The following HDAC5 variants were observed in gnomAD, a reference collection of about 807,000 sequenced individuals.
HDAC5 encodes histone deacetylase 5.
HDAC5 carries 25 observed loss-of-function variants against 133.3 expected under a neutral mutation model. That is an observed-to-expected ratio of 0.19 (90% CI 0.14 to 0.26). The LOEUF (loss-of-function observed/expected upper bound fraction) is 0.26, where lower values mean the gene tolerates loss of function less well. Among genes scored for constraint, HDAC5 ranks in the 10% least tolerant of loss-of-function variants. The pLI, the probability that HDAC5 is intolerant of heterozygous loss-of-function variation, is 1.00. For synonymous variants in HDAC5, 589 were observed against 610.8 expected, an observed-to-expected ratio of 0.96 and a Z score of 0.53; for missense variants, 1,041 against 1,460.5, an observed-to-expected ratio of 0.71 and a Z score of 4.68.
rs2050324972 is a variant in HDAC5, at chr17:44,080,198, C to T, written c.2853G>A (p.Glu951=). 1.2e-6 allele frequency: 2 copies of T among 1,614,152 alleles called. No individual in the cohort carries two copies. The highest frequency in any genetic ancestry group is 1.7e-6 in the Non-Finnish European group (2 of 1,180,016). Reference sequence around the variant, plus strand: ...AGACTAGGACCACATCAGGTGAGAACTCGTGGGCAATGGGCATCACCACTG... The same window carrying T: ...AGACTAGGACCACATCAGGTGAGAATTCGTGGGCAATGGGCATCACCACTG... ...FRTVVMPIAH[E]FSPDVVLVSA... The change falls in exon 23 of 27, where the codon GAG becomes GAA. Residue 951 remains glutamate, a synonymous_variant. Coordinates refer to ENST00000682912, the MANE Select transcript of HDAC5 (RefSeq NM_005474.5).
intron 2 of HDAC5, among the ~76,000 whole-genome samples, chr17:44,113,549 C>A (rs952805618): frequency 1.3e-5 from 2 of 152,180 alleles, no homozygotes; most frequent in Non-Finnish European, 2.9e-5. Flanking sequence ...CTTTAGCCCC[C>A]CTCCTTGCAA....
rs11556546 is a variant in HDAC5 at position 44,078,550 on chromosome 17, C to T, written c.3279G>A (p.Ser1093=). ...CAGCCTGGGCCTGCTCGGCCCCCACCGACAGCAAGGCCATGGCGCTCACAG... is the reference window on the plus strand; with the variant it reads ...CAGCCTGGGCCTGCTCGGCCCCCACTGACAGCAAGGCCATGGCGCTCACAG... ...AETVSAMALL[S]VGAEQAQAAA... is the part of the protein sequence containing the mutation. Residue 1093 remains serine (S), a synonymous_variant, in exon 26 of 27, where the codon TCG becomes TCA. Transcript: ENST00000682912. The T allele has an allele frequency of 5.0e-6, 8 of 1,612,234 alleles. No individual in the cohort carries two copies. The highest frequency in any genetic ancestry group is 1.1e-5 in the South Asian group (1 of 91,040).
At chr17:44,096,125 A>T (rs1456084161) in intron 3 of HDAC5, among the ~76,000 whole-genome samples, 1 of 152,198 alleles carries the variant, frequency 6.6e-6, no homozygotes, top group Non-Finnish European at 1.5e-5. Flanking sequence ...CCCCAAGCCC[A>T]GCCCAAGCCC....
chr17:44,080,853 C>T lies in HDAC5; in HGVS notation c.2637G>A (p.Gln879=). The change falls in exon 21 of 27, where the codon CAG becomes CAA. Residue 879 remains glutamine (Q), a synonymous_variant. Coordinates refer to ENST00000682912, the MANE Select transcript of HDAC5 (RefSeq NM_005474.5). ...GCACAGAGGGGTCATTGTAGAACGCCTGCTGGGTGCCATTGCCATGGTGAA... is the reference window on the plus strand; with the variant it reads ...GCACAGAGGGGTCATTGTAGAACGCTTGCTGGGTGCCATTGCCATGGTGAA... ...WDIHHGNGTQ[Q]AFYNDPSVLY... is the part of the protein sequence containing the mutation. The T allele has an allele frequency of 6.2e-7, 1 of 1,614,224 alleles. No individual in the cohort carries two copies. The highest frequency in any genetic ancestry group is 8.5e-7 in the Non-Finnish European group (1 of 1,180,038).
intron 3 of HDAC5, among the ~76,000 whole-genome samples, chr17:44,103,754 G>A (rs1187102477): frequency 2.0e-4 from 30 of 151,570 alleles, no homozygotes; most frequent in Admixed American, 2.0e-3. Context: ...TGTTGCCCAG[G>A]CTGGAGTGCA....
rs1184324233 is a variant in HDAC5 at position 44,092,223 on chromosome 17, G to A, written c.981C>T (p.Ser327=). ...CAGTAAAGCCATTCTCAGCGATGGT[G>A]CTGTGGGAGCTGTTGGGAGAGCTGG... ...SGPSSPNSSH[S]TIAENGFTGS... The change falls in exon 9 of 27, where the codon AGC becomes AGT. Residue 327 remains serine (S), a synonymous_variant. Transcript: ENST00000682912. The A allele has an allele frequency of 1.2e-6, 2 of 1,613,990 alleles. No individual in the cohort carries two copies.
chr17:44,104,246 G>A (rs2051797415), intron 3 of HDAC5, among the ~76,000 whole-genome samples: 1 of 152,080 alleles, frequency 6.6e-6, no homozygotes, highest in African/African-American at 2.4e-5. Flanking sequence ...GGAGGTTGCA[G>A]TGAGCTGAGA....
chr17:44,091,920 G>T, intron 9 of HDAC5, 89 bp from the exon 10 acceptor site: 1 of 1,428,396 alleles, frequency 7.0e-7, no homozygotes, highest in Non-Finnish European at 9.4e-7. Flanking sequence ...CAAGGTCTCT[G>T]AATGGTGCCC....
intron 12 of HDAC5, 116 bp from the exon 13 acceptor site, chr17:44,087,812 G>C: frequency 7.8e-7 from 1 of 1,281,604 alleles, no homozygotes. Context: ...GCTTCTATGT[G>C]AATTAGAAAA....
rs1463617061 is a variant in HDAC5, at chr17:44,077,680, CA to C, written c.*695del. 1 of 152,364 alleles carries C rather than the reference CA, an allele frequency of 6.6e-6. No individual in the cohort carries two copies. Among genetic ancestry groups the C allele is most frequent in the African/African-American group, 2.4e-5 (1 of 41,444 alleles). 9.4% of individuals were successfully genotyped at this position (152,364 alleles called of 1,614,324 possible). A position where few individuals can be genotyped will look rare whatever the true frequency, so the allele number is the denominator to read the frequency against. On this transcript the variant is annotated 3_prime_UTR_variant, in exon 27 of 27. Transcript: ENST00000682912. ...CCAGGAAACCAGTCCTCTCCTTCCC[CA>C]CACACTTTCACCCTCTCAGCCCCGG...
At chr17:44,121,546 T>C (rs2053006054) in intron 1 of HDAC5, among the ~76,000 whole-genome samples, 2 of 151,266 alleles carry the variant, frequency 1.3e-5, no homozygotes, top group South Asian at 4.2e-4. Flanking sequence ...GAATTAATTA[T>C]TAAAGAGCAG....
chr17:44,078,957 C>T, intron 24 of HDAC5, 78 bp from the exon 25 acceptor site: 1 of 1,535,406 alleles, frequency 6.5e-7, no homozygotes, highest in Non-Finnish European at 9.0e-7. Flanking sequence ...CCCACTCAGC[C>T]CCAGATATCC....
intron 2 of HDAC5, among the ~76,000 whole-genome samples, chr17:44,116,671 C>T (rs934403948): frequency 1.3e-5 from 2 of 152,076 alleles, no homozygotes; most frequent in African/African-American, 2.4e-5. Flanking sequence ...GAGGAGGAGA[C>T]GACAGCCACT....
At chr17:44,090,444 G>A (rs952583998) in intron 11 of HDAC5, among the ~76,000 whole-genome samples, 1 of 151,856 alleles carries the variant, frequency 6.6e-6, no homozygotes, top group South Asian at 2.1e-4. Flanking sequence ...GAGCGATCTC[G>A]GCTCACTGCA....
At chr17:44,099,361 G>A (rs2051448881) in intron 3 of HDAC5, among the ~76,000 whole-genome samples, 1 of 152,134 alleles carries the variant, frequency 6.6e-6, no homozygotes, top group African/African-American at 2.4e-5. Context: ...GGTGGCCTCA[G>A]TAACAAGCAG....
intron 10 of HDAC5, 72 bp downstream of exon 10, chr17:44,091,628 C>T (rs1205403649): frequency 6.6e-7 from 1 of 1,506,742 alleles, no homozygotes; most frequent in African/African-American, 1.4e-5. Flanking sequence ...AAGGGGAAAA[C>T]CCCAGCTGGG....
At chr17:44,095,872 G>C (rs1451927934) in intron 3 of HDAC5, among the ~76,000 whole-genome samples, 1 of 152,084 alleles carries the variant, frequency 6.6e-6, no homozygotes, top group Admixed American at 6.6e-5. Context: ...GCTGGGGAGA[G>C]GAAGGCTGCT....
At chr17:44,093,520 C>T (rs751323713) in intron 4 of HDAC5, 35 bp from the exon 5 acceptor site, 2 of 1,598,846 alleles carry the variant, frequency 1.3e-6, no homozygotes, top group East Asian at 4.5e-5. Flanking sequence ...ACAAGTGAGC[C>T]AGGCCCGGGC....
intron 3 of HDAC5, among the ~76,000 whole-genome samples, chr17:44,104,400 C>T (rs1355864109): frequency 2.0e-5 from 3 of 152,208 alleles, no homozygotes; most frequent in Non-Finnish European, 1.5e-5. Flanking sequence ...TCACAGACCA[C>T]CTGGATTCTA....
Sources: allele counts gnomAD v4.1 joint callset (sites outside exome capture counted in the v4.1 genomes callset), GRCh38; gene constraint gnomAD v4.1.1; transcripts MANE v1.5; gene names NCBI Gene and HGNC (gene_info 2026-07-23, HGNC 2026-07-21).